COPA: variants seen among roughly 807,000 people sequenced by gnomAD.
COPA encodes coat protein complex I subunit alpha.
A neutral mutation model predicts 158.7 loss-of-function variants in COPA; 10 were observed. The observed-to-expected ratio is 0.06, with a 90% CI of 0.04 to 0.11. The LOEUF is 0.11. COPA is among the 10% of genes least tolerant of loss of function. The pLI is 1.00. For synonymous variants in COPA, 462 were observed against 542.8 expected, an observed-to-expected ratio of 0.85 and a Z score of 2.07; for missense variants, 1,065 against 1,536.7, an observed-to-expected ratio of 0.69 and a Z score of 5.13.
chr1:160,309,275 C>T, intron 12 of COPA, 99 bp from the exon 13 acceptor site: 1 of 865,712 alleles, frequency 1.2e-6, no homozygotes, highest in South Asian at 1.5e-5. Context: ...ATTGCACAGA[C>T]ACCAATCTGA....
chr1:160,313,180 C>A lies in COPA; in HGVS notation c.843-13G>T, dbSNP rs376078788. The A allele has an allele frequency of 8.1e-6, 13 of 1,611,198 alleles. No individual in the cohort carries two copies. The highest frequency in any genetic ancestry group is 2.2e-5 in the East Asian group (1 of 44,864). ...CTGAACCCCAGTCCTAGAAAAGGTA[C>A]ACAAAAAGAAAAACATTAATTTCCT... is the stretch of plus-strand genomic sequence containing the variant. On this transcript the variant is annotated splice_polypyrimidine_tract_variant and intron_variant, in intron 9 of 32. Coordinates refer to ENST00000241704, the MANE Select transcript of COPA (RefSeq NM_004371.4).
chr1:160,317,292 G>A (rs1248515117), intron 8 of COPA: 5 of 930,924 alleles, frequency 5.4e-6, no homozygotes, highest in East Asian at 2.4e-5. Context: ...TACTGCAGCT[G>A]CGGTGTTGTG....
rs201582712 is a variant in COPA at position 160,309,190 on chromosome 1, G to A, written c.1144-14C>T. On this transcript the variant is annotated splice_polypyrimidine_tract_variant and intron_variant, in intron 12 of 32. Coordinates refer to ENST00000241704, the MANE Select transcript of COPA (RefSeq NM_004371.4). ...ATTGCTAGCTCTCTGTAGAAGAAAA[G>A]GGGAAATTAAAATGTTAGTGAGAAG... The A allele has an allele frequency of 1.3e-5, 21 of 1,602,994 alleles. No individual in the cohort carries two copies. Among genetic ancestry groups the A allele is most frequent in the Admixed American group, 1.2e-4 (7 of 59,826 alleles).
intron 8 of COPA, among the ~76,000 whole-genome samples, chr1:160,316,682 G>A (rs1464581902): frequency 6.6e-5 from 10 of 151,698 alleles, no homozygotes; most frequent in African/African-American, 1.9e-4. Flanking sequence ...CTCGGGAGGC[G>A]GAGGTCATGG....
At chr1:160,323,631 C>A in intron 7 of COPA, 101 bp from the exon 8 acceptor site, 1 of 859,266 alleles carries the variant, frequency 1.2e-6, no homozygotes, top group Non-Finnish European at 1.7e-6. Context: ...CTGATTTATT[C>A]TTCATGTGAA....
intron 6 of COPA, among the ~76,000 whole-genome samples, chr1:160,330,774 A>T (rs74123107): frequency 6.6e-6 from 1 of 152,200 alleles, no homozygotes; most frequent in Non-Finnish European, 1.5e-5. Flanking sequence ...CCAAACAAAG[A>T]TCTATGAGGG....
rs559780460 is a variant in COPA at position 160,311,920 on chromosome 1, G to T, written c.1024C>A (p.Arg342=). ...MLHYVKDRFL[R]QLDFNSSKDV... is the part of the protein sequence containing the mutation. ...TTGGAGCTGTTGAAATCCAGCTGTC[G>T]TAAGAATCGGTCCTTGACATAGTGT... Residue 342 remains arginine (R), a synonymous_variant, in exon 11 of 33, where the codon CGA becomes AGA. Transcript: ENST00000241704. 1.9e-6 allele frequency: 3 copies of T among 1,614,008 alleles called. No individual in the cohort carries two copies. The highest frequency in any genetic ancestry group is 1.3e-5 in the African/African-American group (1 of 75,034).
chr1:160,313,231 A>G (rs1659025683), intron 9 of COPA, 64 bp from the exon 10 acceptor site: 5 of 1,426,886 alleles, frequency 3.5e-6, no homozygotes, highest in Non-Finnish European at 4.9e-6. Flanking sequence ...ATCCTACACA[A>G]GAATATTAAA....
At chr1:160,316,374 A>G (rs879906136) in intron 8 of COPA, among the ~76,000 whole-genome samples, 1 of 151,796 alleles carries the variant, frequency 6.6e-6, no homozygotes, top group Non-Finnish European at 1.5e-5. Flanking sequence ...AAAAGAAGTC[A>G]GAGGAAAAAA....
chr1:160,323,585 AC>A, intron 7 of COPA, 55 bp from the exon 8 acceptor site: 8 of 1,351,212 alleles, frequency 5.9e-6, no homozygotes, highest in Non-Finnish European at 8.2e-6. Flanking sequence ...CTCAAAGCAA[AC>A]CAATGAATCA....
chr1:160,342,926 A>T (rs1476869514), intron 1 of COPA, among the ~76,000 whole-genome samples: 1 of 152,180 alleles, frequency 6.6e-6, no homozygotes, highest in Non-Finnish European at 1.5e-5. Flanking sequence ...GCCACTTTAT[A>T]GGTAAATCGA....
intron 15 of COPA, 71 bp from the exon 16 acceptor site, chr1:160,305,844 T>C (rs1325261233): frequency 8.2e-7 from 1 of 1,221,832 alleles, no homozygotes; most frequent in Non-Finnish European, 1.2e-6. Flanking sequence ...TCTACATCAA[T>C]TGCACCCTCT....
In COPA at chr1:160,292,550, C is replaced by A; in HGVS notation, c.2894G>T (p.Arg965Leu). ...CAGAGCCTGATAGGTTGTGCGGCCTCGGGCGTATGTCTGTAGGAACAGTTG... is the reference window on the plus strand; with the variant it reads ...CAGAGCCTGATAGGTTGTGCGGCCTAGGGCGTATGTCTGTAGGAACAGTTG... Reference protein sequence around the residue: ...YKQLFLQTYARGRTTYQALPC... With the variant: ...YKQLFLQTYALGRTTYQALPC... The change falls in exon 28 of 33, where the codon CGA becomes CTA. Residue 965 changes from arginine to leucine, a missense_variant. Transcript: ENST00000241704. 2.5e-6 allele frequency: 4 copies of A among 1,614,002 alleles called. No individual in the cohort carries two copies. Among genetic ancestry groups the A allele is most frequent in the Non-Finnish European group, 3.4e-6 (4 of 1,179,978 alleles).
rs1159923217 is a variant in COPA at position 160,289,610 on chromosome 1, A to G, written c.*547T>C. 7.3e-6 allele frequency: 1 copy of G among 137,118 alleles called. No homozygotes were observed. Among genetic ancestry groups the G allele is most frequent in the Non-Finnish European group, 1.6e-5 (1 of 63,948 alleles). The allele number at this position is 137,118 out of a possible 1,614,324, so 8.5% of individuals were successfully genotyped here. On this transcript the variant is annotated 3_prime_UTR_variant, in exon 33 of 33. Coordinates refer to ENST00000241704, the MANE Select transcript of COPA (RefSeq NM_004371.4). The stretch of plus-strand genomic sequence containing the variant: ...AGAGTTTTCCTTTTTTTTTTTTTTG[A>G]GACAGAGTCTTGCTCTGTCACCCAG...
chr1:160,296,065 T>C lies in COPA; in HGVS notation c.2348A>G (p.Glu783Gly). ...ATTATGTAAATAAAGACTCACTGTC[T>C]CCTTCTCTGGGTCAAATGTCTCCTT... is the stretch of plus-strand genomic sequence containing the variant. Reference protein sequence around the residue: ...SLKETFDPEKETIPDIDPNAK... With the variant: ...SLKETFDPEKGTIPDIDPNAK... Residue 783 changes from glutamate (E) to glycine (G), a missense_variant, in exon 22 of 33, where the codon GAG becomes GGG. Coordinates refer to ENST00000241704, the MANE Select transcript of COPA (RefSeq NM_004371.4). The C allele has an allele frequency of 6.2e-7, 1 of 1,613,844 alleles. No individual in the cohort carries two copies.
At chr1:160,341,249 C>T (rs1648031535) in intron 1 of COPA, among the ~76,000 whole-genome samples, 1 of 152,202 alleles carries the variant, frequency 6.6e-6, no homozygotes, top group Non-Finnish European at 1.5e-5. Flanking sequence ...TACACATAGA[C>T]ATAGGCTTTA....
chr1:160,338,198 A>G (rs1647863478), intron 3 of COPA, among the ~76,000 whole-genome samples: 1 of 152,236 alleles, frequency 6.6e-6, no homozygotes, highest in African/African-American at 2.4e-5. Flanking sequence ...CTCAATGTTC[A>G]TCACTATAAA....
At chr1:160,311,733 C>G (rs999789610) in intron 11 of COPA, 135 bp downstream of exon 11, 4 of 873,030 alleles carry the variant, frequency 4.6e-6, no homozygotes, top group Admixed American at 4.1e-5. Context: ...GGCGACAAAG[C>G]GAGACTCCGT....
chr1:160,323,360 AAGACCTG>A, intron 8 of COPA, 64 bp downstream of exon 8: 1 of 1,265,124 alleles, frequency 7.9e-7, no homozygotes, highest in Non-Finnish European at 1.1e-6. Context: ...CAGAGTCCAG[AAGACCTG>A]GCTACTTTAC....
Sources: allele counts gnomAD v4.1 joint callset (sites outside exome capture counted in the v4.1 genomes callset), GRCh38; gene constraint gnomAD v4.1.1; transcripts MANE v1.5; gene names NCBI Gene and HGNC (gene_info 2026-07-23, HGNC 2026-07-21).